The following CSTPP1 variants were observed in gnomAD, a reference collection of about 807,000 sequenced individuals.
CSTPP1 encodes UPF0705 protein C11orf49.
chr11:47,153,949 G>T, the CSTPP1 span, among the ~76,000 whole-genome samples: 32 of 148,482 alleles, frequency 2.2e-4, no homozygotes, highest in South Asian at 1.5e-3. Flanking sequence ...AACTTTTTTT[G>T]TTTTTTTTTT....
chr11:46,999,119 G>A, the CSTPP1 span, among the ~76,000 whole-genome samples: 19 of 152,054 alleles, frequency 1.2e-4, no homozygotes, highest in South Asian at 3.1e-3. Flanking sequence ...AAAAAGAGCT[G>A]CTTATTCTTC....
the CSTPP1 span, among the ~76,000 whole-genome samples, chr11:47,000,148 G>A: frequency 6.6e-6 from 1 of 152,304 alleles, no homozygotes; most frequent in South Asian, 2.1e-4. Context: ...GCTACTCTAA[G>A]AATAGGCCAA....
chr11:47,091,253 A>C, the CSTPP1 span, among the ~76,000 whole-genome samples: 3 of 147,616 alleles, frequency 2.0e-5, no homozygotes, highest in Non-Finnish European at 4.5e-5. Context: ...TTAGCTGGGC[A>C]CATCCAGCTA....
the CSTPP1 span, among the ~76,000 whole-genome samples, chr11:47,134,911 C>G: frequency 6.6e-6 from 1 of 152,142 alleles, no homozygotes; most frequent in Non-Finnish European, 1.5e-5. Context: ...AAGTTCAAGA[C>G]TAGCCTGGGT....
chr11:47,052,716 G>A, the CSTPP1 span: 1 of 637,838 alleles, frequency 1.6e-6, no homozygotes. Context: ...GAGTTGTCTG[G>A]TTTATGTCAA....
At chr11:47,155,191 C>T in the CSTPP1 span, 16 of 1,613,600 alleles carry the variant, frequency 9.9e-6, no homozygotes, top group Middle Eastern at 1.7e-4. Context: ...TGCTCATGGA[C>T]GATGCCATGG....
the CSTPP1 span, among the ~76,000 whole-genome samples, chr11:46,953,558 A>C: frequency 1.1e-4 from 17 of 152,338 alleles, no homozygotes; most frequent in African/African-American, 4.1e-4. Flanking sequence ...TGTGGTGCCT[A>C]ACCAACAAAC....
chr11:47,134,775 G>A, the CSTPP1 span, among the ~76,000 whole-genome samples: 6 of 152,128 alleles, frequency 3.9e-5, no homozygotes, highest in South Asian at 4.2e-4. Context: ...TGTTCAAAAC[G>A]GATTTGGCTC....
the CSTPP1 span, among the ~76,000 whole-genome samples, chr11:46,989,432 G>A: frequency 1.3e-5 from 2 of 152,088 alleles, no homozygotes; most frequent in Admixed American, 1.3e-4. Context: ...CAGTAGCTGG[G>A]ACTACAGGTA....
At chr11:47,091,554 A>G in the CSTPP1 span, among the ~76,000 whole-genome samples, 6 of 152,204 alleles carry the variant, frequency 3.9e-5, no homozygotes, top group African/African-American at 1.4e-4. Flanking sequence ...TATTTTCATT[A>G]AGAATGAGTG....
chr11:46,979,543 G>C, the CSTPP1 span, among the ~76,000 whole-genome samples: 1 of 152,072 alleles, frequency 6.6e-6, no homozygotes, highest in African/African-American at 2.4e-5. Context: ...TGCTACTTTA[G>C]ATTTCTCTGG....
At chr11:47,000,387 C>T in the CSTPP1 span, among the ~76,000 whole-genome samples, 44 of 152,248 alleles carry the variant, frequency 2.9e-4, no homozygotes, top group African/African-American at 9.4e-4. Context: ...ATTGATAGTT[C>T]CAACACTATG....
the CSTPP1 span, among the ~76,000 whole-genome samples, chr11:47,039,000 C>T: frequency 1.6e-5 from 2 of 121,718 alleles, no homozygotes; most frequent in Admixed American, 8.8e-5. Context: ...CGGGAAGAGG[C>T]GCTCCTCACT....
the CSTPP1 span, among the ~76,000 whole-genome samples, chr11:46,988,771 T>C: frequency 6.6e-6 from 1 of 152,304 alleles, no homozygotes; most frequent in African/African-American, 2.4e-5. Flanking sequence ...GTGGATACCC[T>C]ATTCTCCATG....
At chr11:47,045,684 A>C in the CSTPP1 span, among the ~76,000 whole-genome samples, 138 of 152,338 alleles carry the variant, frequency 9.1e-4, 2 homozygotes, top group Admixed American at 2.9e-3. Context: ...AGAGTGAAGG[A>C]GCAGAATGTG....
the CSTPP1 span, among the ~76,000 whole-genome samples, chr11:47,092,560 G>C: frequency 6.6e-6 from 1 of 152,178 alleles, no homozygotes; most frequent in Non-Finnish European, 1.5e-5. Flanking sequence ...TTGAAACTAA[G>C]TTATGGGAAT....
At chr11:47,130,241 G>A in the CSTPP1 span, among the ~76,000 whole-genome samples, 2 of 149,964 alleles carry the variant, frequency 1.3e-5, no homozygotes, top group African/African-American at 4.9e-5. Context: ...TGGCGACAGA[G>A]CAAGACTCTG....
At chr11:46,969,626 G>A in the CSTPP1 span, among the ~76,000 whole-genome samples, 3 of 152,138 alleles carry the variant, frequency 2.0e-5, no homozygotes, top group African/African-American at 2.4e-5. Context: ...AACAAATGCC[G>A]TCAACAGTGG....
chr11:47,055,307 C>T, the CSTPP1 span, among the ~76,000 whole-genome samples: 1 of 151,556 alleles, frequency 6.6e-6, no homozygotes, highest in Non-Finnish European at 1.5e-5. Flanking sequence ...CTTTTTCTTT[C>T]TTCTTTCTTG....
Sources: allele counts gnomAD v4.1 joint callset (sites outside exome capture counted in the v4.1 genomes callset), GRCh38; gene constraint gnomAD v4.1.1; transcripts MANE v1.5; gene names NCBI Gene and HGNC (gene_info 2026-07-23, HGNC 2026-07-21).